Variants in IL12B observed in about 807,000 individuals in gnomAD.
IL12B encodes the protein interleukin 12B.
Under a neutral mutation model 39.2 loss-of-function variants are expected in IL12B, and 27 were observed. That is an observed-to-expected ratio of 0.69 (90% CI 0.51 to 0.95). The LOEUF is 0.95. Among genes scored for constraint, IL12B ranks in the 40% least tolerant of loss-of-function variants. The pLI, the probability that IL12B is intolerant of heterozygous loss-of-function variation, is 0.00. For synonymous variants in IL12B, 142 were observed against 152.1 expected, an observed-to-expected ratio of 0.93 and a Z score of 0.49; for missense variants, 351 against 397.6, an observed-to-expected ratio of 0.88 and a Z score of 1.00.
chr5:159,322,267 G>GA, intron 4 of IL12B, 127 bp downstream of exon 4: 1 of 767,856 alleles, frequency 1.3e-6, no homozygotes, highest in South Asian at 1.4e-5. Context: ...AAGGGCGGTT[G>GA]AAAAAACACG....
chr5:159,323,832 G>T (rs1288509942), intron 2 of IL12B, among the ~76,000 whole-genome samples: 1 of 151,234 alleles, frequency 6.6e-6, no homozygotes, highest in Non-Finnish European at 1.5e-5. Context: ...ATTATCATGA[G>T]CCTCAGTTTC....
chr5:159,319,177 G>A (rs932162610), intron 5 of IL12B, among the ~76,000 whole-genome samples: 1 of 152,164 alleles, frequency 6.6e-6, no homozygotes, highest in Admixed American at 6.5e-5. Flanking sequence ...AGATGGGACC[G>A]CACAGTGAGA....
chr5:159,319,272 C>T (rs1754044356), intron 5 of IL12B, among the ~76,000 whole-genome samples: 1 of 152,232 alleles, frequency 6.6e-6, no homozygotes, highest in African/African-American at 2.4e-5. Context: ...GAACATGGAA[C>T]TAAGCTGAGC....
rs757871778 is a variant in IL12B at position 159,326,723 on chromosome 5, G to A, written c.60C>T (p.Leu20=). 2.4e-5 allele frequency: 38 copies of A among 1,613,048 alleles called. No individual in the cohort carries two copies. Among genetic ancestry groups the A allele is most frequent in the South Asian group, 1.9e-4 (17 of 91,038 alleles). The change falls in exon 2 of 8, where the codon CTC becomes CTT. Residue 20 remains leucine (L), a synonymous_variant. Coordinates refer to ENST00000231228, the MANE Select transcript of IL12B (RefSeq NM_002187.3). ...WFSLVFLASP[L]VAIWELKKDV... ...CTTTCTTCAGTTCCCATATGGCCACGAGGGGAGATGCCAGAAAAACCAGGG... is the reference window on the plus strand; with the variant it reads ...CTTTCTTCAGTTCCCATATGGCCACAAGGGGAGATGCCAGAAAAACCAGGG...
Position 159,318,896 on chromosome 5 carries a change from G to C in IL12B, c.698-3C>G. ...GTTCTTGGGTGGGTCAGGTTTGACT[G>C]TGGAAGAGGATAAACATGCTTTATT... On this transcript the variant is annotated splice_region_variant and splice_polypyrimidine_tract_variant and intron_variant, in intron 5 of 7. Transcript: ENST00000231228. 6.2e-7 allele frequency: 1 copy of C among 1,613,334 alleles called. No individual in the cohort carries two copies. The highest frequency in any genetic ancestry group is 8.5e-7 in the Non-Finnish European group (1 of 1,179,476).
In IL12B at chr5:159,316,736, G is replaced by A. The variant is rs776936485; in HGVS notation, c.936C>T (p.Asp312=). Residue 312 remains aspartate, a synonymous_variant, in exon 7 of 8, where the codon GAC becomes GAT. Coordinates refer to ENST00000231228, the MANE Select transcript of IL12B (RefSeq NM_002187.3). The stretch of plus-strand genomic sequence containing the variant: ...CGCTCCAAGATGAGCTATAGTAGCG[G>A]TCCTGGGCCCGCACGCTAATGCTGG... ...KNASISVRAQ[D]RYYSSSWSEW... is the part of the protein sequence containing the mutation. The A allele has an allele frequency of 1.5e-5, 25 of 1,614,050 alleles. No homozygotes were observed. Among genetic ancestry groups the A allele is most frequent in the African/African-American group, 2.7e-5 (2 of 74,934 alleles).
chr5:159,316,190 G>A (rs908580982), intron 7 of IL12B, 90 bp from the exon 8 acceptor site: 3 of 164,092 alleles, frequency 1.8e-5, no homozygotes, highest in African/African-American at 7.3e-5. Context: ...CTGGGCAACT[G>A]GGTTTCAGGG....
chr5:159,323,096 C>T lies in IL12B; in HGVS notation c.322G>A (p.Glu108Lys). 2 of 1,614,178 alleles carry T rather than the reference C, an allele frequency of 1.2e-6. No individual in the cohort carries two copies. The highest frequency in any genetic ancestry group is 1.7e-6 in the Non-Finnish European group (2 of 1,180,024). ...ATATCAGTGGACCAAATTCCATCTT[C>T]CTTTTTGTGAAGCAGCAGGAGCGAA... The part of the protein sequence containing the change: ...SHSLLLLHKK[E>K]DGIWSTDILK... Residue 108 changes from glutamate to lysine, a missense_variant, in exon 3 of 8, where the codon GAA becomes AAA. Coordinates refer to ENST00000231228, the MANE Select transcript of IL12B (RefSeq NM_002187.3).
At chr5:159,326,059 A>G (rs1754183495) in intron 2 of IL12B, among the ~76,000 whole-genome samples, 1 of 152,212 alleles carries the variant, frequency 6.6e-6, no homozygotes, top group Non-Finnish European at 1.5e-5. Context: ...ACTAGCTGAC[A>G]TTTACTTTCA....
At chr5:159,322,960 C>G in intron 3 of IL12B, 94 bp downstream of exon 3, 1 of 1,203,814 alleles carries the variant, frequency 8.3e-7, no homozygotes, top group Non-Finnish European at 1.2e-6. Flanking sequence ...TCATTACACT[C>G]ACCATGACTT....
chr5:159,320,239 G>C lies in IL12B; in HGVS notation c.697+67C>G, dbSNP rs1754062866. Reference sequence around the variant, plus strand: ...TCAACCACCTACCCCACAGTGCATGGGGCATTGTGAACACGTGACAAATAG... The same window carrying C: ...TCAACCACCTACCCCACAGTGCATGCGGCATTGTGAACACGTGACAAATAG... On this transcript the variant is annotated intron_variant, in intron 5 of 7. Coordinates refer to ENST00000231228, the MANE Select transcript of IL12B (RefSeq NM_002187.3). The C allele has an allele frequency of 2.3e-6, 3 of 1,322,172 alleles. No individual in the cohort carries two copies. In the Admixed American group the frequency reaches 5.0e-5, roughly 22 times the overall value. The allele number at this position is 1,322,172 out of a possible 1,614,324, so 81.9% of individuals were successfully genotyped here.
At position 159,323,222 on chromosome 5, in the gene IL12B, T is replaced by C; in HGVS notation, c.196A>G (p.Ser66Gly). The C allele has an allele frequency of 6.2e-7, 1 of 1,614,118 alleles. No individual in the cohort carries two copies. Among genetic ancestry groups the C allele is most frequent in the Non-Finnish European group, 8.5e-7 (1 of 1,180,006 alleles). The change falls in exon 3 of 8, where the codon AGT becomes GGT. Residue 66 changes from serine (S) to glycine (G), a missense_variant. By Grantham distance (56) the Ser-to-Gly change is moderately conservative. Transcript: ENST00000231228. ...DGITWTLDQS[S>G]EVLGSGKTLT... The stretch of plus-strand genomic sequence containing the variant: ...GTTTTGCCAGAGCCTAAGACCTCAC[T>C]GCTCTGGTCCAAGGTCCAGGTGATA...
Position 159,326,713 on chromosome 5 carries a change from A to T in IL12B, c.70T>A (p.Trp24Arg). The T allele has an allele frequency of 6.2e-7, 1 of 1,612,458 alleles. No homozygotes were observed. Among genetic ancestry groups the T allele is most frequent in the African/African-American group, 1.3e-5 (1 of 74,966 alleles). ...TGGTTACCATCTTTCTTCAGTTCCC[A>T]TATGGCCACGAGGGGAGATGCCAGA... Reference protein sequence around the residue: ...VFLASPLVAIWELKKDVYVVE... With the variant: ...VFLASPLVAIRELKKDVYVVE... Residue 24 changes from tryptophan to arginine, a missense_variant, in exon 2 of 8, where the codon TGG becomes AGG. Transcript: ENST00000231228.
chr5:159,326,816 G>A (rs776786015), intron 1 of IL12B, 34 bp from the exon 2 acceptor site: 3 of 1,285,114 alleles, frequency 2.3e-6, no homozygotes, highest in African/African-American at 1.5e-5. Context: ...GGGAAGAGAA[G>A]GAGGAAAAGA....
intron 4 of IL12B, among the ~76,000 whole-genome samples, chr5:159,321,071 C>A (rs1754080836): frequency 6.6e-6 from 1 of 151,640 alleles, no homozygotes; most frequent in Non-Finnish European, 1.5e-5. Context: ...GGAATCAGAC[C>A]CCACTGTAGC....
At chr5:159,318,481 G>A (rs1015278453) in intron 6 of IL12B, among the ~76,000 whole-genome samples, 1 of 152,190 alleles carries the variant, frequency 6.6e-6, no homozygotes, top group Non-Finnish European at 1.5e-5. Flanking sequence ...ATGCTGTACA[G>A]GTTTGCAGCC....
Position 159,317,240 on chromosome 5 carries a change from T to A in IL12B, c.856-424A>T, listed in dbSNP as rs187535972. ...CACTGCTACTTAATAGCTGTGTAAC[T>A]TCAGGAAAATGTCTTAGGTTCTCTG... On this transcript the variant is annotated intron_variant, in intron 6 of 7. Transcript: ENST00000231228. Among the ~76,000 whole-genome samples, 43 of 152,320 alleles carry A rather than the reference T, an allele frequency of 2.8e-4. No individual in the cohort carries two copies. The Middle Eastern group carries it at 0.01, about 36-fold the overall frequency.
intron 1 of IL12B, among the ~76,000 whole-genome samples, chr5:159,327,075 T>C (rs1754203424): frequency 6.6e-6 from 1 of 152,162 alleles, no homozygotes; most frequent in African/African-American, 2.4e-5. Flanking sequence ...AGGCAAGCCA[T>C]CTGATACAAT....
chr5:159,319,714 A>G (rs1754054959), intron 5 of IL12B, among the ~76,000 whole-genome samples: 1 of 152,236 alleles, frequency 6.6e-6, no homozygotes. Flanking sequence ...TATGTGAACT[A>G]GACCCCACCC....
Sources: allele counts gnomAD v4.1 joint callset (sites outside exome capture counted in the v4.1 genomes callset), GRCh38; gene constraint gnomAD v4.1.1; transcripts MANE v1.5; gene names NCBI Gene and HGNC (gene_info 2026-07-23, HGNC 2026-07-21).